The following EIF3E variants were observed in gnomAD, a reference collection of about 807,000 sequenced individuals.
EIF3E encodes the protein eukaryotic translation initiation factor 3 subunit E.
Under a neutral mutation model 59.3 loss-of-function variants are expected in EIF3E, and 25 were observed. The ratio of observed to expected loss-of-function variants is 0.42; its 90% CI spans 0.31 to 0.59. The LOEUF (loss-of-function observed/expected upper bound fraction) is 0.59, where lower values mean the gene tolerates loss of function less well. EIF3E is among the 20% of genes least tolerant of loss of function. EIF3E has a pLI of 0.15. For missense variants in EIF3E, 317 were observed against 534.3 expected (o/e 0.59, Z 4.01); for synonymous variants, 176 against 170.2 (o/e 1.03, Z -0.26).
intron 10 of EIF3E, among the ~76,000 whole-genome samples, chr8:108,210,229 T>C (rs763170575): frequency 6.6e-6 from 1 of 152,146 alleles, no homozygotes; most frequent in Non-Finnish European, 1.5e-5. Flanking sequence ...GTCAGTACTA[T>C]AAAGTCACTA....
chr8:108,206,861 CTCTT>C (rs1202760748), intron 10 of EIF3E, among the ~76,000 whole-genome samples: 1 of 152,162 alleles, frequency 6.6e-6, no homozygotes, highest in African/African-American at 2.4e-5. Flanking sequence ...CTATCCCTCT[CTCTT>C]TCTTTACATC....
chr8:108,222,848 T>A (rs77275770), intron 7 of EIF3E, among the ~76,000 whole-genome samples: 26 of 111,458 alleles, frequency 2.3e-4, no homozygotes, highest in African/African-American at 4.6e-4. Context: ...TTTTTTTTTT[T>A]TAAATAACAG....
At chr8:108,235,399 T>G (rs183993989) in intron 4 of EIF3E, among the ~76,000 whole-genome samples, 1 of 152,320 alleles carries the variant, frequency 6.6e-6, no homozygotes, top group East Asian at 1.9e-4. Flanking sequence ...ACTAGCTGGA[T>G]TCGCATAAGG....
At position 108,222,797 on chromosome 8, in the gene EIF3E, C is replaced by A. The variant is rs1815442488; in HGVS notation, c.723-5337G>T. Among the ~76,000 whole-genome samples, 5 of 146,152 alleles carry A rather than the reference C, an allele frequency of 3.4e-5. 2 individuals are homozygous for A. The South Asian group carries it at 1.1e-3, about 32-fold the overall frequency. On this transcript the variant is annotated intron_variant, in intron 7 of 12. Coordinates refer to ENST00000220849, the MANE Select transcript of EIF3E (RefSeq NM_001568.3). Reference sequence around the variant, plus strand: ...CTAAGCTGTGTAATAGCAGGCTATACTTCTCATAGTTTTGAAATCAAATTT... The same window carrying A: ...CTAAGCTGTGTAATAGCAGGCTATAATTCTCATAGTTTTGAAATCAAATTT...
At chr8:108,230,394 G>C (rs75225721) in intron 5 of EIF3E, among the ~76,000 whole-genome samples, 1 of 152,214 alleles carries the variant, frequency 6.6e-6, no homozygotes, top group Non-Finnish European at 1.5e-5. Flanking sequence ...TGGTAAATCT[G>C]AGTTACTGAA....
intron 7 of EIF3E, among the ~76,000 whole-genome samples, chr8:108,221,806 G>GCACA (rs71281606): frequency 4.1e-4 from 62 of 149,942 alleles, no homozygotes; most frequent in African/African-American, 8.6e-4. Flanking sequence ...ACACACACAC[G>GCACA]CACACACACA....
chr8:108,209,983 G>A (rs760327475), intron 10 of EIF3E, among the ~76,000 whole-genome samples: 9 of 151,812 alleles, frequency 5.9e-5, no homozygotes, highest in Non-Finnish European at 1.2e-4. Flanking sequence ...AAGGACATAG[G>A]GGGTCTTTTT....
intron 8 of EIF3E, among the ~76,000 whole-genome samples, chr8:108,216,855 T>C (rs1462091144): frequency 6.6e-6 from 1 of 152,208 alleles, no homozygotes; most frequent in East Asian, 1.9e-4. Flanking sequence ...TTCTTTGTAT[T>C]TAATACACTC....
chr8:108,236,280 AT>A, intron 3 of EIF3E, 77 bp from the exon 4 acceptor site: 1 of 1,106,526 alleles, frequency 9.0e-7, no homozygotes, highest in South Asian at 1.4e-5. Context: ...CTTCTAAGTT[AT>A]TACCTACGCA....
At chr8:108,236,953 TGGA>T (rs1233941455) in intron 3 of EIF3E, among the ~76,000 whole-genome samples, 1 of 151,364 alleles carries the variant, frequency 6.6e-6, no homozygotes, top group African/African-American at 2.4e-5. Flanking sequence ...ACCTGGGAGG[TGGA>T]GGTTGCAGTG....
chr8:108,228,850 G>A (rs1270875119), intron 6 of EIF3E, among the ~76,000 whole-genome samples: 4 of 152,006 alleles, frequency 2.6e-5, no homozygotes, highest in Admixed American at 1.3e-4. Flanking sequence ...CAGAAATGAA[G>A]GCTACGTTTT....
In EIF3E at chr8:108,204,745, A is replaced by ATG. The variant is rs1243136066; in HGVS notation, c.1062-1243_1062-1242insCA. On this transcript the variant is annotated intron_variant, in intron 10 of 12. Transcript: ENST00000220849. ...ATAGTATGTATGTATATATATATAT[A>ATG]TAGAGAGAGAGAGAGAGAGAGAGAG... 1.4e-3 allele frequency among the ~76,000 whole-genome samples: 141 copies of ATG among 99,082 alleles called. 1 individual carries two copies. Among genetic ancestry groups the ATG allele is most frequent in the African/African-American group, 6.8e-3 (139 of 20,470 alleles). 65.0% of individuals were successfully genotyped at this position (99,082 alleles called of 152,430 possible). A position where few individuals can be genotyped will look rare whatever the true frequency, so the allele number is the denominator to read the frequency against.
chr8:108,206,490 G>C (rs557296610), intron 10 of EIF3E, among the ~76,000 whole-genome samples: 1 of 151,942 alleles, frequency 6.6e-6, no homozygotes, highest in South Asian at 2.1e-4. Flanking sequence ...TCCATTCTAG[G>C]CTGGATGTGG....
chr8:108,227,167 T>C (rs1410704904), intron 7 of EIF3E: 1 of 151,810 alleles, frequency 6.6e-6, no homozygotes, highest in Middle Eastern at 3.2e-3. Flanking sequence ...TTACAAAAAA[T>C]AGAAAAATTA....
intron 5 of EIF3E, chr8:108,233,473 C>CA (rs1815660883): frequency 6.5e-6 from 1 of 153,712 alleles, no homozygotes; most frequent in Non-Finnish European, 1.5e-5. Context: ...CAAAAAGAAA[C>CA]AAACTCTTCC....
chr8:108,242,180 T>C (rs1336911857), intron 1 of EIF3E: 1 of 1,341,430 alleles, frequency 7.5e-7, no homozygotes, highest in Non-Finnish European at 9.8e-7. Context: ...ATGACCTTAT[T>C]TTTTATGTGT....
chr8:108,205,784 T>A (rs75993906), intron 10 of EIF3E, among the ~76,000 whole-genome samples: 1 of 35,222 alleles, frequency 2.8e-5, no homozygotes, highest in Non-Finnish European at 5.2e-5. Context: ...AGGAACCATT[T>A]TTTACTTAGT....
rs759614581 is a variant in EIF3E at position 108,214,678 on chromosome 8, C to T, written c.990G>A (p.Glu330=). 1 of 1,611,138 alleles carries T rather than the reference C, an allele frequency of 6.2e-7. No homozygotes were observed. Among genetic ancestry groups the T allele is most frequent in the Non-Finnish European group, 8.5e-7 (1 of 1,179,274 alleles). The change falls in exon 10 of 13, where the codon GAG becomes GAA. Residue 330 remains glutamate, a synonymous_variant. Transcript: ENST00000220849. Reference sequence around the variant, plus strand: ...AGAGACGGGCATTTTCAATGAAATCCTCAAGACAAGCCACCAAGAAGAAGT... The same window carrying T: ...AGAGACGGGCATTTTCAATGAAATCTTCAAGACAAGCCACCAAGAAGAAGT... ...VNDFFLVACL[E]DFIENARLFI...
chr8:108,223,545 T>C (rs1815459978), intron 7 of EIF3E, among the ~76,000 whole-genome samples: 1 of 152,200 alleles, frequency 6.6e-6, no homozygotes, highest in Non-Finnish European at 1.5e-5. Context: ...AAAATTCAGA[T>C]TATTTTTATT....
Sources: gnomAD v4.1 joint callset for allele counts (sites outside exome capture counted in the v4.1 genomes callset) on GRCh38, gnomAD v4.1.1 for gene constraint, MANE v1.5 for transcripts, NCBI Gene and HGNC (gene_info 2026-07-23, HGNC 2026-07-21) for gene names.